Variants in LINGO2 observed in about 807,000 individuals in gnomAD.
LINGO2 encodes the protein leucine-rich repeat and immunoglobulin-like domain-containing nogo receptor-interacting protein 2.
LINGO2 carries 14 observed loss-of-function variants against 30.6 expected under a neutral mutation model. The observed-to-expected ratio is 0.46, with a 90% CI of 0.30 to 0.72. The LOEUF (loss-of-function observed/expected upper bound fraction) is 0.72, where lower values mean the gene tolerates loss of function less well. Among genes scored for constraint, LINGO2 ranks in the 30% least tolerant of loss-of-function variants. The pLI, the probability that LINGO2 is intolerant of heterozygous loss-of-function variation, is 0.07. For missense variants in LINGO2, 729 were observed against 751.7 expected, an observed-to-expected ratio of 0.97 and a Z score of 0.35; for synonymous variants, 317 against 288.5, an observed-to-expected ratio of 1.10 and a Z score of -1.00.
chr9:28,467,035 T>TG (rs397724395), intron 2 of LINGO2, among the ~76,000 whole-genome samples: 18,309 of 139,766 alleles, frequency 0.13, 1,268 homozygotes, highest in South Asian at 0.21. Context: ...TCTTTTTTTT[T>TG]GGGGGGGGGG....
the LINGO2 span, among the ~76,000 whole-genome samples, chr9:28,987,601 C>A: frequency 6.6e-6 from 1 of 151,842 alleles, no homozygotes; most frequent in African/African-American, 2.4e-5. Flanking sequence ...GTTTGTTCTT[C>A]TTTTTCTAGT....
At chr9:28,665,428 A>G (rs756343741) in intron 1 of LINGO2, among the ~76,000 whole-genome samples, 5 of 152,152 alleles carry the variant, frequency 3.3e-5, no homozygotes, top group Non-Finnish European at 7.4e-5. Context: ...AATCTATTAC[A>G]TGATCCAATA....
At chr9:28,821,709 C>T in the LINGO2 span, among the ~76,000 whole-genome samples, 1 of 152,158 alleles carries the variant, frequency 6.6e-6, no homozygotes, top group African/African-American at 2.4e-5. Flanking sequence ...GTAAAGAAAC[C>T]ATGTGTGGGA....
intron 3 of LINGO2, among the ~76,000 whole-genome samples, chr9:28,355,868 G>C (rs1311018642): frequency 2.6e-5 from 4 of 152,146 alleles, no homozygotes; most frequent in African/African-American, 7.2e-5. Flanking sequence ...GCCAGCGTGA[G>C]TATCATCATG....
chr9:28,698,734 C>T, the LINGO2 span, among the ~76,000 whole-genome samples: 1 of 151,904 alleles, frequency 6.6e-6, no homozygotes, highest in African/African-American at 2.4e-5. Context: ...ACAATCTTCT[C>T]CACTATCAAC....
chr9:28,159,773 T>A (rs1828235240), intron 4 of LINGO2, among the ~76,000 whole-genome samples: 1 of 152,240 alleles, frequency 6.6e-6, no homozygotes, highest in African/African-American at 2.4e-5. Context: ...ACCAGATTGC[T>A]TAACTAACTA....
chr9:28,644,754 T>C (rs1827760304), intron 1 of LINGO2, among the ~76,000 whole-genome samples: 1 of 152,082 alleles, frequency 6.6e-6, no homozygotes, highest in South Asian at 2.1e-4. Context: ...TTCCATGATG[T>C]CATTACTATG....
chr9:28,524,460 A>T lies in LINGO2; in HGVS notation c.-364-48435T>A, dbSNP rs149732154. Among the ~76,000 whole-genome samples the T allele has an allele frequency of 2.6e-4, 40 of 152,336 alleles. No individual in the cohort carries two copies. In the East Asian group the frequency reaches 7.7e-3, roughly 29 times the overall value. On this transcript the variant is annotated intron_variant, in intron 1 of 5. Transcript: ENST00000379992. ...TCAAAAGACATCTTTATAAAAGTCA[A>T]AAGTCAAGGAAGGGCCGGGCGTGGT...
chr9:29,211,945 G>A, the LINGO2 span, among the ~76,000 whole-genome samples: 9 of 152,192 alleles, frequency 5.9e-5, no homozygotes, highest in African/African-American at 2.2e-4. Context: ...AGAGCACCAC[G>A]GAGCAACACT....
chr9:29,007,651 T>C, the LINGO2 span, among the ~76,000 whole-genome samples: 1 of 151,970 alleles, frequency 6.6e-6, no homozygotes, highest in African/African-American at 2.4e-5. Flanking sequence ...CAACCAATAC[T>C]CTCAGAAATT....
At chr9:28,317,401 A>G (rs968327178) in intron 3 of LINGO2, among the ~76,000 whole-genome samples, 1 of 152,220 alleles carries the variant, frequency 6.6e-6, no homozygotes, top group Non-Finnish European at 1.5e-5. Context: ...AAAATCTTAT[A>G]AATGTGACTG....
At chr9:29,115,554 G>T in the LINGO2 span, among the ~76,000 whole-genome samples, 3 of 151,110 alleles carry the variant, frequency 2.0e-5, no homozygotes, top group African/African-American at 7.3e-5. Flanking sequence ...AACTTACTGT[G>T]AGCCAAAGAT....
At chr9:29,041,604 T>C in the LINGO2 span, among the ~76,000 whole-genome samples, 1 of 151,854 alleles carries the variant, frequency 6.6e-6, no homozygotes, top group Non-Finnish European at 1.5e-5. Flanking sequence ...ACAACCATAA[T>C]TAAGAAAATG....
chr9:29,029,581 T>C, the LINGO2 span, among the ~76,000 whole-genome samples: 1 of 152,108 alleles, frequency 6.6e-6, no homozygotes, highest in Non-Finnish European at 1.5e-5. Context: ...TGATAGAGGA[T>C]GAGAAAAACA....
chr9:28,209,560 A>G lies in LINGO2; in HGVS notation c.-87+85648T>C, dbSNP rs376198245. Among the ~76,000 whole-genome samples, 260 of 152,062 alleles carry G rather than the reference A, an allele frequency of 1.7e-3. 3 individuals carry two copies. In the South Asian group the frequency reaches 0.034, roughly 20 times the overall value. On this transcript the variant is annotated intron_variant, in intron 4 of 5. Coordinates refer to ENST00000379992, the Ensembl canonical transcript of LINGO2. ...TGTATTTATTTTAATGAAAATACAA[A>G]AATAAAATCACCTTTAGTAATAGTT...
chr9:28,848,072 A>ATATACACACTATATATAGTGTG, the LINGO2 span, among the ~76,000 whole-genome samples: 12 of 47,894 alleles, frequency 2.5e-4, no homozygotes, highest in African/African-American at 1.3e-3. Context: ...TGTATATAAT[A>ATATACACACTATATATAGTGTG]TATATATACA....
chr9:28,396,479 C>T (rs574591650), intron 2 of LINGO2, among the ~76,000 whole-genome samples: 15 of 151,914 alleles, frequency 9.9e-5, no homozygotes, highest in African/African-American at 3.1e-4. Context: ...CCGAGGCAGG[C>T]GGATCACAGG....
chr9:28,129,152 T>C lies in LINGO2; in HGVS notation c.-86-116747A>G, dbSNP rs1202745491. ...GCCTGCACTGTCAACTTCCCTACTT[T>C]TGAGGCTTTGGGACTCGGGCTGATC... is the stretch of plus-strand genomic sequence containing the variant. On this transcript the variant is annotated intron_variant, in intron 4 of 5. Coordinates refer to ENST00000379992, the Ensembl canonical transcript of LINGO2. This position sits in a 1 kb window ranked among gnomAD's most constrained non-coding sequence, Gnocchi z 4.0. Among the ~76,000 whole-genome samples the C allele has an allele frequency of 6.6e-6, 1 of 152,186 alleles. No individual in the cohort carries two copies. The highest frequency in any genetic ancestry group is 2.4e-5 in the African/African-American group (1 of 41,454).
the LINGO2 span, among the ~76,000 whole-genome samples, chr9:29,163,158 A>T: frequency 1.3e-5 from 2 of 152,192 alleles, no homozygotes; most frequent in African/African-American, 2.4e-5. Context: ...ACTAACTAGA[A>T]TACTCATCAT....
Sources: allele counts gnomAD v4.1 joint callset (sites outside exome capture counted in the v4.1 genomes callset), GRCh38; gene constraint gnomAD v4.1.1; non-coding constraint Gnocchi (gnomAD v3.1); transcripts MANE v1.5; gene names NCBI Gene and HGNC (gene_info 2026-07-23, HGNC 2026-07-21).